Variants in RUNX2 observed in about 807,000 individuals in gnomAD.
RUNX2 encodes RUNX family transcription factor 2.
Under a neutral mutation model 51.7 loss-of-function variants are expected in RUNX2, and 10 were observed. The observed-to-expected ratio is 0.19, with a 90% CI of 0.12 to 0.33. The LOEUF (loss-of-function observed/expected upper bound fraction) is 0.33. RUNX2 is among the 10% of genes least tolerant of loss of function. RUNX2 has a pLI of 1.00. For missense variants in RUNX2, 562 were observed against 691.3 expected (o/e 0.81, Z 2.10); for synonymous variants, 276 against 273.6 (o/e 1.01, Z -0.09).
At chr6:45,383,869 T>G (rs116075671) in intron 2 of RUNX2, among the ~76,000 whole-genome samples, 2,675 of 152,332 alleles carry the variant, frequency 0.018, 49 homozygotes, top group South Asian at 0.085. Context: ...ATTCTGAAGG[T>G]GGATGCAACA....
intron 2 of RUNX2, among the ~76,000 whole-genome samples, chr6:45,374,759 C>G (rs904617444): frequency 3.9e-5 from 6 of 152,098 alleles, no homozygotes; most frequent in Non-Finnish European, 8.8e-5. Flanking sequence ...GATTTTCTTC[C>G]AGAGGGAACC....
chr6:45,332,008 T>C (rs1397029640), intron 2 of RUNX2, among the ~76,000 whole-genome samples: 3 of 152,014 alleles, frequency 2.0e-5, no homozygotes, highest in Admixed American at 6.6e-5. Flanking sequence ...TAAGATTTTA[T>C]CAAACACACA....
At chr6:45,533,355 G>T (rs903152748) in intron 7 of RUNX2, among the ~76,000 whole-genome samples, 2 of 152,254 alleles carry the variant, frequency 1.3e-5, no homozygotes, top group East Asian at 3.9e-4. Flanking sequence ...TGAGAACAAG[G>T]CTCTATGTAA....
At position 45,547,065 on chromosome 6, in the gene RUNX2, T is replaced by G. The variant is rs1802423424; in HGVS notation, c.1326T>G (p.Thr442=). The change falls in exon 9 of 9, where the codon ACT becomes ACG. Residue 442 remains threonine (T), a synonymous_variant. Coordinates refer to ENST00000647337, the MANE Select transcript of RUNX2 (RefSeq NM_001024630.4). ...GTGGACCCTTCCAGACCAGCAGCAC[T>G]CCATATCTCTACTATGGCACTTCGT... ...SQSGPFQTSS[T]PYLYYGTSSG... is the part of the protein sequence containing the mutation. 1.2e-6 allele frequency: 2 copies of G among 1,613,870 alleles called. No homozygotes were observed. The highest frequency in any genetic ancestry group is 2.2e-5 in the South Asian group (2 of 91,068).
intron 2 of RUNX2, among the ~76,000 whole-genome samples, chr6:45,391,331 C>G (rs1389158974): frequency 6.6e-6 from 1 of 152,242 alleles, no homozygotes; most frequent in East Asian, 1.9e-4. Flanking sequence ...TGAGACCTTC[C>G]CCTTGCTCTC....
At position 45,493,797 on chromosome 6, in the gene RUNX2, T is replaced by A. The variant is rs375431351; in HGVS notation, c.859+1683T>A. 3.3e-5 allele frequency among the ~76,000 whole-genome samples: 5 copies of A among 152,182 alleles called. No homozygotes were observed. The East Asian group carries it at 7.7e-4, about 23-fold the overall frequency. ...GTATATATATACACACATATATATG[T>A]GTTTATATATGATTTGTAATGGATT... On this transcript the variant is annotated intron_variant, in intron 6 of 8. Transcript: ENST00000647337.
intron 2 of RUNX2, among the ~76,000 whole-genome samples, chr6:45,397,165 G>A (rs141597320): frequency 0.013 from 1,929 of 151,106 alleles, 39 homozygotes; most frequent in African/African-American, 0.044. Context: ...GTGCAGTGGC[G>A]CGATCGCAGC....
chr6:45,370,922 A>C (rs1445664939), intron 2 of RUNX2, among the ~76,000 whole-genome samples: 1 of 152,206 alleles, frequency 6.6e-6, no homozygotes, highest in Non-Finnish European at 1.5e-5. Context: ...AGTTTAAAAA[A>C]AAAATTTCTT....
chr6:45,352,194 C>G (rs113737174), intron 2 of RUNX2, among the ~76,000 whole-genome samples: 67 of 152,264 alleles, frequency 4.4e-4, no homozygotes, highest in Middle Eastern at 3.4e-3. Context: ...AGAAAAGAGT[C>G]AGTCCCAAAG....
At chr6:45,484,039 G>T (rs991001795) in intron 5 of RUNX2, among the ~76,000 whole-genome samples, 1 of 152,206 alleles carries the variant, frequency 6.6e-6, no homozygotes, top group Admixed American at 6.5e-5. Flanking sequence ...TGAATGTTAG[G>T]ATTTGGGGGC....
rs576261808 is a variant in RUNX2 at position 45,492,062 on chromosome 6, C to A, written c.807C>A (p.Ser269=). Residue 269 remains serine, a synonymous_variant, in exon 6 of 9, where the codon TCC becomes TCA. Coordinates refer to ENST00000647337, the MANE Select transcript of RUNX2 (RefSeq NM_001024630.4). ...VGVPPQNPRP[S]LNSAPSPFNP... is the part of the protein sequence containing the mutation. ...TCCCGCCTCAGAACCCACGGCCCTC[C>A]CTGAACTCTGCACCAAGTCCTTTTA... is the stretch of plus-strand genomic sequence containing the variant. 6.2e-6 allele frequency: 10 copies of A among 1,613,894 alleles called. No individual in the cohort carries two copies. In the South Asian group the frequency reaches 1.1e-4, roughly 18 times the overall value.
chr6:45,356,684 T>A (rs1793258582), intron 2 of RUNX2, among the ~76,000 whole-genome samples: 1 of 151,612 alleles, frequency 6.6e-6, no homozygotes, highest in Non-Finnish European at 1.5e-5. Flanking sequence ...GGATTATAGG[T>A]GTGAGCCACC....
intron 2 of RUNX2, among the ~76,000 whole-genome samples, chr6:45,412,598 G>C (rs1797974476): frequency 6.6e-6 from 1 of 151,606 alleles, no homozygotes; most frequent in African/African-American, 2.4e-5. Context: ...TGTGAATTCA[G>C]AGAAAAATAA....
chr6:45,403,552 C>A lies in RUNX2; in HGVS notation c.59-19041C>A, dbSNP rs1439883497. 2.0e-5 allele frequency among the ~76,000 whole-genome samples: 3 copies of A among 152,048 alleles called. No homozygotes were observed. In the East Asian group the frequency reaches 5.8e-4, roughly 29 times the overall value. ...CTGGCCTGACTTTCCTTTTAATTAA[C>A]ATAGATGTGTTTAATCTAGCTGACC... On this transcript the variant is annotated intron_variant, in intron 2 of 8. Transcript: ENST00000647337.
intron 2 of RUNX2, chr6:45,365,337 A>C: frequency 1.4e-6 from 2 of 1,395,200 alleles, no homozygotes; most frequent in East Asian, 4.6e-5. Flanking sequence ...TACAAAATGT[A>C]CCTAGCTATA....
rs1463293716 is a variant in RUNX2, at chr6:45,547,380, G to A, written c.*75G>A. ...ATCAATATATACATATATAGAGAGA[G>A]TGCATATATATGTATATCGATTAGC... On this transcript the variant is annotated 3_prime_UTR_variant, in exon 9 of 9. Transcript: ENST00000647337. 4 of 1,163,390 alleles carry A rather than the reference G, an allele frequency of 3.4e-6. No individual in the cohort carries two copies. Among genetic ancestry groups the A allele is most frequent in the Admixed American group, 1.7e-5 (1 of 59,276 alleles). 72.1% of individuals were successfully genotyped at this position (1,163,390 alleles called of 1,614,324 possible).
chr6:45,483,663 G>A (rs1012912761), intron 5 of RUNX2, among the ~76,000 whole-genome samples: 3 of 152,154 alleles, frequency 2.0e-5, no homozygotes, highest in Non-Finnish European at 2.9e-5. Flanking sequence ...CATAGTTGTC[G>A]CTGCTGTCAG....
intron 5 of RUNX2, among the ~76,000 whole-genome samples, chr6:45,467,390 A>C (rs1379717869): frequency 6.6e-6 from 1 of 151,872 alleles, no homozygotes; most frequent in Non-Finnish European, 1.5e-5. Flanking sequence ...CAAGCGATTC[A>C]CCTACCTCAG....
chr6:45,547,767 A>G lies in RUNX2; in HGVS notation c.*462A>G, dbSNP rs1802448627. Reference sequence around the variant, plus strand: ...GTGCCCTCCGCAGACAGCTCACAAAACCAGTTGAGGTGCACTAAAGGGACA... The same window carrying G: ...GTGCCCTCCGCAGACAGCTCACAAAGCCAGTTGAGGTGCACTAAAGGGACA... On this transcript the variant is annotated 3_prime_UTR_variant, in exon 9 of 9. Coordinates refer to ENST00000647337, the MANE Select transcript of RUNX2 (RefSeq NM_001024630.4). 1 of 212,090 alleles carries G rather than the reference A, an allele frequency of 4.7e-6. No individual in the cohort carries two copies. The highest frequency in any genetic ancestry group is 9.6e-6 in the Non-Finnish European group (1 of 103,900). 13.1% of individuals were successfully genotyped at this position (212,090 alleles called of 1,614,324 possible).
Sources: gnomAD v4.1 joint callset for allele counts (sites outside exome capture counted in the v4.1 genomes callset) on GRCh38, gnomAD v4.1.1 for gene constraint, MANE v1.5 for transcripts, NCBI Gene and HGNC (gene_info 2026-07-23, HGNC 2026-07-21) for gene names.